TARBP2: variants seen among roughly 807,000 people sequenced by gnomAD.
The protein encoded by TARBP2 is RISC-loading complex subunit TARBP2.
Under a neutral mutation model 40.4 loss-of-function variants are expected in TARBP2, and 23 were observed. The ratio of observed to expected loss-of-function variants is 0.57; its 90% confidence interval spans 0.41 to 0.81. The LOEUF (loss-of-function observed/expected upper bound fraction) is 0.81. Among genes scored for constraint, TARBP2 ranks in the 30% least tolerant of loss-of-function variants. TARBP2 has a pLI of 0.00. For missense variants in TARBP2, 358 were observed against 473.7 expected (o/e 0.76, Z 2.27); for synonymous variants, 183 against 190.5 (o/e 0.96, Z 0.32).
chr12:53,502,326 G>A, intron 2 of TARBP2, 142 bp downstream of exon 2: 4 of 1,169,816 alleles, frequency 3.4e-6, no homozygotes, highest in Non-Finnish European at 4.7e-6. Flanking sequence ...CTACTGACTG[G>A]ATTGGGAGAA....
Position 53,503,974 on chromosome 12 carries a change from T to G in TARBP2, c.422+166T>G, listed in dbSNP as rs1306578737. 17 of 632,130 alleles carry G rather than the reference T, an allele frequency of 2.7e-5. No individual in the cohort carries two copies. In the Admixed American group the frequency reaches 4.5e-4, roughly 17 times the overall value. The allele number at this position is 632,130 out of a possible 1,614,324, so 39.2% of individuals were successfully genotyped here. A position where few individuals can be genotyped will look rare whatever the true frequency, so the allele number is the denominator to read the frequency against. On this transcript the variant is annotated intron_variant, in intron 4 of 8. Coordinates refer to ENST00000266987, the MANE Select transcript of TARBP2 (RefSeq NM_134323.2). The stretch of plus-strand genomic sequence containing the variant: ...AGAAATCACAGCAGCTGGTAAGCTC[T>G]TGGGACAAGAGGTCATTTGTGATTT...
rs1428884492 is a variant in TARBP2, at chr12:53,505,914, GTGA to G, written c.943+69_944-70del. On this transcript the variant is annotated intron_variant, in intron 8 of 8. Transcript: ENST00000266987. The surrounding 1 kb of genome is among the most constrained non-coding windows in gnomAD (Gnocchi z 4.5). ...GCTGGACCGGAGCAAGTAGAAGGGG[GTGA>G]TGATAACGTGAACGCACCCCTCCCC... is the stretch of plus-strand genomic sequence containing the variant. The G allele has an allele frequency of 5.0e-6, 8 of 1,605,456 alleles. No homozygotes were observed. The South Asian group carries it at 6.6e-5, about 13-fold the overall frequency.
intron 2 of TARBP2, 103 bp from the exon 3 acceptor site, chr12:53,502,924 G>T: frequency 1.6e-6 from 2 of 1,271,460 alleles, no homozygotes; most frequent in South Asian, 1.6e-5. Context: ...GTCAGAAGGG[G>T]CTTGATTGAT....
intron 3 of TARBP2, 56 bp from the exon 4 acceptor site, chr12:53,503,657 C>A: frequency 7.6e-7 from 1 of 1,321,530 alleles, no homozygotes; most frequent in Non-Finnish European, 1.1e-6. Flanking sequence ...GGTCCCCCAC[C>A]CCTCTCTTCC....
At position 53,503,753 on chromosome 12, in the gene TARBP2, C is replaced by G. The variant is rs756051687; in HGVS notation, c.367C>G (p.Pro123Ala). The change falls in exon 4 of 9, where the codon CCG (proline) becomes GCG (alanine). Residue 123 changes from proline to alanine, a missense_variant. Around this residue, in one of 3 missense-constraint regions of TARBP2, gnomAD observed 317 missense variants for 422.9 expected, o/e 0.75. Coordinates refer to ENST00000266987, the MANE Select transcript of TARBP2 (RefSeq NM_134323.2). ...AGACTCTTCACTGCCTGAGGACATT[C>G]CGGTTTTTACTGCTGCAGCAGCTGC... ...PLDSSLPEDIPVFTAAAAATP... is the reference protein window; with the variant it reads ...PLDSSLPEDIAVFTAAAAATP... The G allele has an allele frequency of 4.3e-6, 7 of 1,614,178 alleles. No individual in the cohort carries two copies. Among genetic ancestry groups the G allele is most frequent in the Admixed American group, 1.7e-5 (1 of 60,030 alleles).
chr12:53,504,143 C>T, intron 4 of TARBP2: 1 of 575,224 alleles, frequency 1.7e-6, no homozygotes, highest in Non-Finnish European at 3.1e-6. Context: ...TCCCACTGTC[C>T]TGGCTTAGAT....
In TARBP2 at chr12:53,504,500, C is replaced by T. The variant is rs1340458631; in HGVS notation, c.495+31C>T. On this transcript the variant is annotated intron_variant, in intron 5 of 8. Transcript: ENST00000266987. ...TCCCATCCTCATTTCCCATGCATGC[C>T]TGTCTTCCCTTGAGCCAGGGGCCAT... 3.1e-6 allele frequency: 5 copies of T among 1,608,886 alleles called. No individual in the cohort carries two copies. The East Asian group carries it at 8.9e-5, about 29-fold the overall frequency.
intron 2 of TARBP2, 123 bp from the exon 3 acceptor site, chr12:53,502,904 G>C (rs1592734900): frequency 1.1e-6 from 1 of 913,462 alleles, no homozygotes; most frequent in Non-Finnish European, 1.6e-6. Flanking sequence ...TCTTCAGCAG[G>C]GGGAGGTTGG....
intron 3 of TARBP2, 118 bp downstream of exon 3, chr12:53,503,247 G>C (rs1183512512): frequency 1.4e-6 from 2 of 1,423,814 alleles, no homozygotes; most frequent in African/African-American, 1.5e-5. Context: ...GCCTCTTCCT[G>C]AGAGTCCCTC....
At chr12:53,502,965 G>A in intron 2 of TARBP2, 62 bp from the exon 3 acceptor site, 2 of 1,487,036 alleles carry the variant, frequency 1.3e-6, no homozygotes, top group Non-Finnish European at 1.8e-6. Flanking sequence ...GAGGCTGTGG[G>A]ATGCTGGTTT....
At chr12:53,503,352 G>A (rs1201269382) in intron 3 of TARBP2, 1 of 1,067,970 alleles carries the variant, frequency 9.4e-7, no homozygotes, top group Admixed American at 3.4e-5. Context: ...GTGGCAGTAG[G>A]TTGGGGCCTG....
chr12:53,502,299 A>G (rs565147163), intron 2 of TARBP2, 115 bp downstream of exon 2: 2 of 1,348,178 alleles, frequency 1.5e-6, no homozygotes, highest in African/African-American at 2.9e-5. Context: ...AGGGAAGGAG[A>G]GATTTCAGGG....
At chr12:53,504,584 ACC>A in intron 5 of TARBP2, 112 bp from the exon 6 acceptor site, 1 of 1,604,356 alleles carries the variant, frequency 6.2e-7, no homozygotes, top group Non-Finnish European at 8.5e-7. Flanking sequence ...GGCCCTTTCC[ACC>A]CCCCTCTCTC....
At chr12:53,502,346 A>G (rs1057343052) in intron 2 of TARBP2, 162 bp downstream of exon 2, 1 of 972,898 alleles carries the variant, frequency 1.0e-6, no homozygotes, top group Non-Finnish European at 1.5e-6. Context: ...ACAGGGCTGT[A>G]AGAAGGTGGG....
At position 53,501,470 on chromosome 12, in the gene TARBP2, T is replaced by C; in HGVS notation, c.53+9T>C. 1 of 1,563,354 alleles carries C rather than the reference T, an allele frequency of 6.4e-7. No homozygotes were observed. The highest frequency in any genetic ancestry group is 1.2e-5 in the South Asian group (1 of 84,874). On this transcript the variant is annotated intron_variant, in intron 1 of 8. Coordinates refer to ENST00000266987, the MANE Select transcript of TARBP2 (RefSeq NM_134323.2). ...GGCTGCGGGCTGCCTAGGTGAGCCGTCTCGTACCGATTCCTTCAGGGCGAA... is the reference window on the plus strand; with the variant it reads ...GGCTGCGGGCTGCCTAGGTGAGCCGCCTCGTACCGATTCCTTCAGGGCGAA...
At chr12:53,501,744 G>T in intron 1 of TARBP2, 2 of 1,420,650 alleles carry the variant, frequency 1.4e-6, no homozygotes, top group Non-Finnish European at 9.2e-7. Context: ...CTGTGTCAGG[G>T]GGTATGCACT....
rs1425088611 is a variant in TARBP2 at position 53,501,421 on chromosome 12, G to C, written c.13G>C (p.Glu5Gln). The stretch of plus-strand genomic sequence containing the variant: ...GACGGAGGAGGGAATGAGTGAAGAG[G>C]AGCAAGGCTCCGGCACTACCACGGG... Reference protein sequence around the residue: MSEEEQGSGTTTGCG... With the variant: MSEEQQGSGTTTGCG... The change falls in exon 1 of 9, where the codon GAG becomes CAG. Residue 5 changes from glutamate (E) to glutamine (Q), a missense_variant. Around this residue, in one of 3 missense-constraint regions of TARBP2, gnomAD observed 32 missense variants for 21.6 expected, o/e 1.48. Coordinates refer to ENST00000266987, the MANE Select transcript of TARBP2 (RefSeq NM_134323.2). 6.4e-7 allele frequency: 1 copy of C among 1,567,194 alleles called. No individual in the cohort carries two copies. The highest frequency in any genetic ancestry group is 1.2e-5 in the South Asian group (1 of 85,180).
rs773625643 is a variant in TARBP2 at position 53,505,101 on chromosome 12, AATC to A, written c.614-31_614-29del. 4 of 1,575,790 alleles carry A rather than the reference AATC, an allele frequency of 2.5e-6. No homozygotes were observed. In the African/African-American group the frequency reaches 5.4e-5, roughly 21 times the overall value. On this transcript the variant is annotated intron_variant, in intron 6 of 8. Transcript: ENST00000266987. The surrounding 1 kb of genome is among the most constrained non-coding windows in gnomAD (Gnocchi z 4.5). ...GGGTGGAAGCACTGGGTCTGTGGGG[AATC>A]ATAACCCAGCAGCCCTCTCTCCACA...
chr12:53,502,312 A>G (rs922871777), intron 2 of TARBP2, 128 bp downstream of exon 2: 117 of 1,263,268 alleles, frequency 9.3e-5, no homozygotes, highest in Non-Finnish European at 1.3e-4. Context: ...TTTCAGGGGA[A>G]AAGCTACTGA....
Sources: gnomAD v4.1 joint callset for allele counts on GRCh38, gnomAD v4.1.1 for gene constraint, gnomAD v4.1.1 regional missense constraint, Gnocchi (gnomAD v3.1) non-coding constraint, MANE v1.5 for transcripts, NCBI Gene and HGNC (gene_info 2026-07-23, HGNC 2026-07-21) for gene names.